FAM78B: variants seen among roughly 807,000 people sequenced by gnomAD.
The protein encoded by FAM78B is family with sequence similarity 78 member B.
Under a neutral mutation model 20.0 loss-of-function variants are expected in FAM78B, and 10 were observed. That is an observed-to-expected ratio of 0.50 (90% confidence interval 0.31 to 0.85). The LOEUF is 0.85. Among genes scored for constraint, FAM78B ranks in the 40% least tolerant of loss-of-function variants. The pLI is 0.05. For synonymous variants in FAM78B, 135 were observed against 132.8 expected (o/e 1.02, Z -0.12); for missense variants, 283 against 345.0 (o/e 0.82, Z 1.42).
At chr1:166,068,538 A>C (rs1328335086), downstream of FAM78B, among the ~76,000 whole-genome samples, 1 of 152,246 alleles carries the variant, frequency 6.6e-6, no homozygotes, top group Non-Finnish European at 1.5e-5. Flanking sequence ...ATCCCCTGGG[A>C]CTAGAATCTG....
intron 1 of FAM78B, among the ~76,000 whole-genome samples, chr1:166,145,720 C>A (rs144038574): frequency 7.2e-4 from 109 of 152,320 alleles, no homozygotes; most frequent in Non-Finnish European, 1.2e-3. Flanking sequence ...TGAAGCCCAT[C>A]CACGCAAGCT....
At chr1:166,134,575 A>G (rs149588323) in intron 1 of FAM78B, among the ~76,000 whole-genome samples, 2 of 152,256 alleles carry the variant, frequency 1.3e-5, no homozygotes, top group Admixed American at 1.3e-4. Context: ...AAAAGACTGG[A>G]GCATAAATAG....
chr1:166,109,176 A>G (rs141820089), intron 1 of FAM78B, among the ~76,000 whole-genome samples: 386 of 152,368 alleles, frequency 2.5e-3, no homozygotes, highest in African/African-American at 8.9e-3. Flanking sequence ...AATTAAACTA[A>G]AGAGCTTTTG....
Position 166,070,159 on chromosome 1 carries a change from C to CTGTT in FAM78B, c.*78_*81dup. On this transcript the variant is annotated 3_prime_UTR_variant, in exon 2 of 2. Transcript: ENST00000354422. ...AGAGGTCTGCTTTGGCTCAGAAACT[C>CTGTT]TGTTTGGCTCCTGCCACCCCTGGCA... 7.0e-7 allele frequency: 1 copy of CTGTT among 1,432,304 alleles called. No homozygotes were observed. Among genetic ancestry groups the CTGTT allele is most frequent in the Non-Finnish European group, 9.2e-7 (1 of 1,087,876 alleles). 88.7% of individuals were successfully genotyped at this position (1,432,304 alleles called of 1,614,324 possible). A position where few individuals can be genotyped will look rare whatever the true frequency, so the allele number is the denominator to read the frequency against.
chr1:166,126,129 C>T (rs1005704996), intron 1 of FAM78B, among the ~76,000 whole-genome samples: 4 of 152,076 alleles, frequency 2.6e-5, no homozygotes, highest in East Asian at 1.9e-4. Context: ...CCACTGTGCC[C>T]GGCCTATTAC....
rs151045805 is a variant in FAM78B at position 166,151,427 on chromosome 1, G to A, written c.263+14559C>T. Among the ~76,000 whole-genome samples the A allele has an allele frequency of 1.9e-3, 284 of 152,310 alleles. 1 individual carries two copies. The highest frequency in any genetic ancestry group is 6.4e-3 in the African/African-American group (268 of 41,566). ...CCAGACGTTTCAGGAAGCACCAGAT[G>A]TTGAAGGTAAATCTTGAAAAAACCC... On this transcript the variant is annotated intron_variant, in intron 1 of 1. Coordinates refer to ENST00000354422, the MANE Select transcript of FAM78B (RefSeq NM_001017961.5).
intron 1 of FAM78B, among the ~76,000 whole-genome samples, chr1:166,138,347 T>C (rs1655150271): frequency 6.6e-6 from 1 of 152,104 alleles, no homozygotes; most frequent in African/African-American, 2.4e-5. Flanking sequence ...TGTTTCTCTT[T>C]CTTCATCCTC....
intron 1 of FAM78B, among the ~76,000 whole-genome samples, chr1:166,128,613 G>A (rs1056450052): frequency 5.9e-5 from 9 of 152,204 alleles, no homozygotes; most frequent in African/African-American, 1.9e-4. Flanking sequence ...AGGAGAGAAG[G>A]TTTCACAGCT....
chr1:166,159,751 CCTCTACAT>C (rs1362685242), intron 1 of FAM78B, among the ~76,000 whole-genome samples: 6 of 152,218 alleles, frequency 3.9e-5, no homozygotes, highest in Non-Finnish European at 7.3e-5. Context: ...TGTTTCTCCC[CCTCTACAT>C]CTTTCCCTAA....
At chr1:166,106,719 G>A (rs1653801928) in intron 1 of FAM78B, among the ~76,000 whole-genome samples, 1 of 152,156 alleles carries the variant, frequency 6.6e-6, no homozygotes, top group Non-Finnish European at 1.5e-5. Flanking sequence ...GGACTACTTG[G>A]AGGGGGAGAG....
chr1:166,115,624 G>A (rs1227914377), intron 1 of FAM78B, among the ~76,000 whole-genome samples: 1 of 152,150 alleles, frequency 6.6e-6, no homozygotes, highest in East Asian at 1.9e-4. Flanking sequence ...CCCTACCTTC[G>A]CCGGGGCAGC....
chr1:166,103,921 T>C (rs191239410), intron 1 of FAM78B, among the ~76,000 whole-genome samples: 1 of 152,254 alleles, frequency 6.6e-6, no homozygotes, highest in Admixed American at 6.5e-5. Flanking sequence ...TTTAGACCAA[T>C]ATCCCTGAGG....
At chr1:166,068,055 C>T (rs1651868245), downstream of FAM78B, among the ~76,000 whole-genome samples, 1 of 152,174 alleles carries the variant, frequency 6.6e-6, no homozygotes, top group Non-Finnish European at 1.5e-5. Context: ...TCTTGTATAG[C>T]ATTTTGTAAT....
At chr1:166,118,327 T>TA (rs1654337354) in intron 1 of FAM78B, among the ~76,000 whole-genome samples, 1 of 152,134 alleles carries the variant, frequency 6.6e-6, no homozygotes, top group South Asian at 2.1e-4. Context: ...CTTTGGGCTC[T>TA]AAGGGTCTGA....
At chr1:166,145,074 A>G (rs1352137112) in intron 1 of FAM78B, among the ~76,000 whole-genome samples, 4 of 152,160 alleles carry the variant, frequency 2.6e-5, no homozygotes, top group Non-Finnish European at 4.4e-5. Context: ...GACAGGTGGG[A>G]GGATGGGGGA....
chr1:166,098,752 C>T (rs190278074), intron 1 of FAM78B, among the ~76,000 whole-genome samples: 2 of 152,044 alleles, frequency 1.3e-5, no homozygotes, highest in East Asian at 3.9e-4. Flanking sequence ...TGTTAAATGA[C>T]CAAATCTTAG....
chr1:166,068,411 TATAAATAACTTGCC>T (rs1346572715), downstream of FAM78B, among the ~76,000 whole-genome samples: 1 of 152,232 alleles, frequency 6.6e-6, no homozygotes, highest in African/African-American at 2.4e-5. Context: ...AATGTGTTGT[TATAAATAACTTGCC>T]ATCAATAACT....
chr1:166,133,459 G>A (rs907518904), intron 1 of FAM78B, among the ~76,000 whole-genome samples: 2 of 152,092 alleles, frequency 1.3e-5, no homozygotes, highest in African/African-American at 4.8e-5. Flanking sequence ...AGGTGACAGC[G>A]ATATGAAACA....
At chr1:166,130,775 A>G (rs1364837875) in intron 1 of FAM78B, among the ~76,000 whole-genome samples, 1 of 152,208 alleles carries the variant, frequency 6.6e-6, no homozygotes, top group Non-Finnish European at 1.5e-5. Flanking sequence ...TAAGTGGGAG[A>G]TACAGGCCTA....
Sources: gnomAD v4.1 joint callset for allele counts (sites outside exome capture counted in the v4.1 genomes callset) on GRCh38, gnomAD v4.1.1 for gene constraint, MANE v1.5 for transcripts, NCBI Gene and HGNC (gene_info 2026-07-23, HGNC 2026-07-21) for gene names.